CHL1: variants seen among roughly 807,000 people sequenced by gnomAD.
CHL1 encodes the protein cell adhesion molecule L1 like, also known as neural cell adhesion molecule L1-like protein.
Under a neutral mutation model 141.9 loss-of-function variants are expected in CHL1, and 96 were observed. That is an observed-to-expected ratio of 0.68 (90% CI 0.57 to 0.80). CHL1 has a LOEUF of 0.80. CHL1 is among the 30% of genes least tolerant of loss of function. The probability of loss-of-function intolerance (pLI) is 0.00; values close to 1 mark genes in which losing one functional copy is unlikely to be tolerated. For synonymous variants in CHL1, 613 were observed against 502.2 expected, an observed-to-expected ratio of 1.22 and a Z score of -2.95; for missense variants, 1,820 against 1,457.2, an observed-to-expected ratio of 1.25 and a Z score of -4.05.
At chr3:305,808 T>C (rs1298237318) in intron 2 of CHL1, among the ~76,000 whole-genome samples, 1 of 151,950 alleles carries the variant, frequency 6.6e-6, no homozygotes, top group Admixed American at 6.6e-5. Context: ...TTTTACTGAA[T>C]ACGTTCCTTT....
At chr3:338,174 T>A (rs1702081347) in intron 5 of CHL1, among the ~76,000 whole-genome samples, 1 of 152,196 alleles carries the variant, frequency 6.6e-6, no homozygotes, top group Non-Finnish European at 1.5e-5. Flanking sequence ...TATGTGCAAG[T>A]TGATTCTGAT....
intron 2 of CHL1, among the ~76,000 whole-genome samples, chr3:300,912 A>T (rs1163911095): frequency 6.6e-6 from 1 of 152,176 alleles, no homozygotes; most frequent in Non-Finnish European, 1.5e-5. Context: ...AGACTGATGG[A>T]AAAGTTATAA....
At chr3:278,031 G>A (rs777399373) in intron 2 of CHL1, among the ~76,000 whole-genome samples, 1 of 152,194 alleles carries the variant, frequency 6.6e-6, no homozygotes, top group Admixed American at 6.5e-5. Flanking sequence ...GTGCATGTGA[G>A]CTGGAAGGAA....
intron 26 of CHL1, among the ~76,000 whole-genome samples, chr3:400,432 T>G (rs915959998): frequency 4.6e-5 from 7 of 151,944 alleles, no homozygotes; most frequent in African/African-American, 1.7e-4. Flanking sequence ...TTGTGTATTG[T>G]GGTGCTATCC....
intron 2 of CHL1, among the ~76,000 whole-genome samples, chr3:318,944 C>T (rs1700342052): frequency 6.6e-6 from 1 of 151,390 alleles, no homozygotes; most frequent in African/African-American, 2.4e-5. Flanking sequence ...CATTAACACT[C>T]ATCAGTCATA....
chr3:261,798 C>A (rs1056292923), intron 2 of CHL1, among the ~76,000 whole-genome samples: 2 of 151,964 alleles, frequency 1.3e-5, no homozygotes, highest in Non-Finnish European at 2.9e-5. Flanking sequence ...TTGGGAAGTA[C>A]AATTGTTACT....
intron 2 of CHL1, among the ~76,000 whole-genome samples, chr3:282,007 A>T: frequency 6.6e-6 from 1 of 152,218 alleles, no homozygotes; most frequent in East Asian, 1.9e-4. Context: ...TTTATGTCTT[A>T]TATAATTACT....
chr3:252,185 C>T (rs1259331458), intron 2 of CHL1, among the ~76,000 whole-genome samples: 1 of 151,414 alleles, frequency 6.6e-6, no homozygotes, highest in Non-Finnish European at 1.5e-5. Context: ...CTATTTTTAA[C>T]ACCTTGTTAC....
At position 400,586 on chromosome 3, in the gene CHL1, C is replaced by CTTTTTTT. The variant is rs11374109; in HGVS notation, c.3386-1031_3386-1025dup. The stretch of plus-strand genomic sequence containing the variant: ...AGGAAGAACAATTTGTATTTGAGGG[C>CTTTTTTT]TTTTTTTTTTTTTTTAAGTAAAGGG... On this transcript the variant is annotated intron_variant, in intron 26 of 27. Coordinates refer to ENST00000256509, the MANE Select transcript of CHL1 (RefSeq NM_006614.4). 1.1e-4 allele frequency among the ~76,000 whole-genome samples: 15 copies of CTTTTTTT among 139,540 alleles called. 7 individuals are homozygous for CTTTTTTT. The highest frequency in any genetic ancestry group is 1.5e-4 in the Non-Finnish European group (10 of 66,076). 91.5% of individuals were successfully genotyped at this position (139,540 alleles called of 152,430 possible).
At chr3:230,501 C>T (rs1701766040) in intron 1 of CHL1, among the ~76,000 whole-genome samples, 1 of 151,636 alleles carries the variant, frequency 6.6e-6, no homozygotes, top group African/African-American at 2.4e-5. Context: ...AAAGTATAAA[C>T]CTTTTTTTTT....
At chr3:263,166 G>A (rs1038884632) in intron 2 of CHL1, among the ~76,000 whole-genome samples, 4 of 152,098 alleles carry the variant, frequency 2.6e-5, no homozygotes, top group African/African-American at 4.8e-5. Context: ...CTCCATCGCA[G>A]GCAAGGCCGA....
At position 265,095 on chromosome 3, in the gene CHL1, C is replaced by A. The variant is rs541108452; in HGVS notation, c.-95+20403C>A. ...ATTTACTAGGCTTATTGGCCGTGTG[C>A]CAAGTGCTGTGTTTATTTCTTATTT... On this transcript the variant is annotated intron_variant, in intron 2 of 27. Transcript: ENST00000256509. Among the ~76,000 whole-genome samples, 6 of 152,320 alleles carry A rather than the reference C, an allele frequency of 3.9e-5. No individual in the cohort carries two copies. The South Asian group carries it at 1.2e-3, about 32-fold the overall frequency.
chr3:326,596 A>T (rs1288587459), intron 4 of CHL1, among the ~76,000 whole-genome samples: 1 of 151,870 alleles, frequency 6.6e-6, no homozygotes, highest in African/African-American at 2.4e-5. Flanking sequence ...TTTTAGAATT[A>T]AATAATTGTT....
At chr3:255,695 GT>G (rs957194106) in intron 2 of CHL1, among the ~76,000 whole-genome samples, 1 of 152,182 alleles carries the variant, frequency 6.6e-6, no homozygotes, top group Admixed American at 6.5e-5. Flanking sequence ...TTCTTGCATA[GT>G]TTTTTCCTAG....
At chr3:314,303 CTCTCTT>C (rs1352549934) in intron 2 of CHL1, among the ~76,000 whole-genome samples, 7 of 122,288 alleles carry the variant, frequency 5.7e-5, no homozygotes, top group African/African-American at 2.5e-4. Context: ...CTTGCACTCT[CTCTCTT>C]TCTCTCTCTC....
At chr3:380,031 C>T (rs574081638) in intron 16 of CHL1, among the ~76,000 whole-genome samples, 3 of 152,212 alleles carry the variant, frequency 2.0e-5, no homozygotes, top group African/African-American at 7.2e-5. Context: ...GTTTCAGTTG[C>T]AAGTTCATCA....
intron 3 of CHL1, among the ~76,000 whole-genome samples, chr3:323,172 G>A (rs997086197): frequency 6.6e-6 from 1 of 151,932 alleles, no homozygotes; most frequent in South Asian, 2.1e-4. Context: ...ATATTTTCCT[G>A]AAAGTGAACC....
intron 2 of CHL1, among the ~76,000 whole-genome samples, chr3:296,836 C>G (rs1698230937): frequency 6.6e-6 from 1 of 152,132 alleles, no homozygotes; most frequent in Non-Finnish European, 1.5e-5. Context: ...TTATATATTT[C>G]TTTAGGTTTG....
intron 16 of CHL1, among the ~76,000 whole-genome samples, chr3:381,931 T>C (rs1707089424): frequency 6.6e-6 from 1 of 151,830 alleles, no homozygotes; most frequent in South Asian, 2.1e-4. Context: ...CCTTGGCTAT[T>C]GTTTAAAGCT....
Sources: allele counts gnomAD v4.1 joint callset (sites outside exome capture counted in the v4.1 genomes callset), GRCh38; gene constraint gnomAD v4.1.1; transcripts MANE v1.5; gene names NCBI Gene and HGNC (gene_info 2026-07-23, HGNC 2026-07-21).